Variants in EFCAB8 observed in about 807,000 individuals in gnomAD.
EFCAB8 encodes the protein EF-hand calcium binding domain 8, also known as EF-hand calcium-binding domain-containing protein 8.
A neutral mutation model predicts 116.3 loss-of-function variants in EFCAB8; 100 were observed. The observed-to-expected ratio is 0.86, with a 90% CI of 0.73 to 1.02. The LOEUF (loss-of-function observed/expected upper bound fraction) is 1.02, where lower values mean the gene tolerates loss of function less well. Among genes scored for constraint, EFCAB8 ranks in the 50% least tolerant of loss-of-function variants. The pLI, the probability that EFCAB8 is intolerant of heterozygous loss-of-function variation, is 0.00. For synonymous variants in EFCAB8, 558 were observed against 567.9 expected (o/e 0.98, Z 0.25); for missense variants, 1,320 against 1,416.9 (o/e 0.93, Z 1.10).
At chr20:32,889,982 C>T (rs890793424) in intron 7 of EFCAB8, among the ~76,000 whole-genome samples, 1 of 138,648 alleles carries the variant, frequency 7.2e-6, no homozygotes, top group African/African-American at 2.7e-5. Flanking sequence ...GCATGGGCGA[C>T]AGAGAGAGAC....
intron 20 of EFCAB8, among the ~76,000 whole-genome samples, chr20:32,925,642 G>A (rs895430146): frequency 6.6e-6 from 1 of 152,182 alleles, no homozygotes; most frequent in African/African-American, 2.4e-5. Context: ...CGTGAGCCAC[G>A]GCGCCCAGCC....
At position 32,867,623 on chromosome 20, in the gene EFCAB8, C is replaced by T; in HGVS notation, c.84C>T (p.Ser28=). The part of the protein sequence containing the change: ...PHGFQNKEAA[S]SPTPSITLSQ... ...GCTTCCAGAACAAGGAGGCTGCTAGCTCCCCAACACCATCCATCACCCTTA... is the reference window on the plus strand; with the variant it reads ...GCTTCCAGAACAAGGAGGCTGCTAGTTCCCCAACACCATCCATCACCCTTA... Residue 28 remains serine (S), a synonymous_variant, in exon 3 of 27, where the codon AGC becomes AGT. Transcript: ENST00000400522. 6.4e-7 allele frequency: 1 copy of T among 1,551,676 alleles called. No homozygotes were observed. The highest frequency in any genetic ancestry group is 8.7e-7 in the Non-Finnish European group (1 of 1,146,978).
chr20:32,911,835 G>A, intron 16 of EFCAB8, 128 bp downstream of exon 16: 4 of 875,802 alleles, frequency 4.6e-6, no homozygotes, highest in Non-Finnish European at 7.2e-6. Context: ...AGGTGGCCTG[G>A]CTTCAAACCT....
At chr20:32,939,108 T>C (rs1254093373) in intron 22 of EFCAB8, among the ~76,000 whole-genome samples, 1 of 139,490 alleles carries the variant, frequency 7.2e-6, no homozygotes, top group Non-Finnish European at 1.6e-5. Flanking sequence ...TTCCTTCCTT[T>C]CTTTCTCTCT....
intron 3 of EFCAB8, among the ~76,000 whole-genome samples, chr20:32,874,910 C>T (rs1984872403): frequency 6.6e-6 from 1 of 152,094 alleles, no homozygotes. Flanking sequence ...CCATGCCTGG[C>T]TAACTTTTTG....
chr20:32,862,190 G>A (rs1984151672), intron 1 of EFCAB8, among the ~76,000 whole-genome samples: 1 of 151,002 alleles, frequency 6.6e-6, no homozygotes, highest in African/African-American at 2.4e-5. Context: ...GAGTGTAGTG[G>A]TATGATCTCA....
intron 6 of EFCAB8, among the ~76,000 whole-genome samples, chr20:32,888,228 TAA>T (rs1600386441): frequency 6.6e-6 from 1 of 151,912 alleles, no homozygotes; most frequent in African/African-American, 2.4e-5. Context: ...CGTGTCCAGC[TAA>T]TTTTTTCTTT....
chr20:32,869,463 C>G (rs962907792), intron 3 of EFCAB8, among the ~76,000 whole-genome samples: 8 of 152,076 alleles, frequency 5.3e-5, no homozygotes, highest in African/African-American at 1.7e-4. Flanking sequence ...CTCGAGCTCC[C>G]GACCTCAGGT....
rs1986711685 is a variant in EFCAB8, at chr20:32,907,000, C to T, written c.1308+6C>T. ...TCAGTGTCTCCAAGGACAAGGTCCGCCCCGACGGTCCGCCTGACTCCTTCT... is the reference window on the plus strand; with the variant it reads ...TCAGTGTCTCCAAGGACAAGGTCCGTCCCGACGGTCCGCCTGACTCCTTCT... On this transcript the variant is annotated splice_donor_region_variant and intron_variant, in intron 13 of 26. Coordinates refer to ENST00000400522, the MANE Select transcript of EFCAB8 (RefSeq NM_001143967.2). The T allele has an allele frequency of 1.0e-5, 15 of 1,497,174 alleles. No homozygotes were observed. Among genetic ancestry groups the T allele is most frequent in the African/African-American group, 1.4e-5 (1 of 71,754 alleles). 92.7% of individuals were successfully genotyped at this position (1,497,174 alleles called of 1,614,324 possible).
At chr20:32,917,097 C>T in intron 17 of EFCAB8, 1 of 581,682 alleles carries the variant, frequency 1.7e-6, no homozygotes, top group Non-Finnish European at 3.1e-6. Context: ...TATGTAAAGC[C>T]CCTACAACAG....
chr20:32,887,652 G>A (rs1009114855), intron 6 of EFCAB8, among the ~76,000 whole-genome samples: 1 of 152,194 alleles, frequency 6.6e-6, no homozygotes, highest in African/African-American at 2.4e-5. Context: ...ACTCTAAGCC[G>A]AGTGGGCTGG....
chr20:32,936,871 G>A (rs918224637), intron 22 of EFCAB8, among the ~76,000 whole-genome samples: 13 of 152,070 alleles, frequency 8.5e-5, no homozygotes, highest in African/African-American at 3.1e-4. Context: ...GATAGGGACT[G>A]CATTGAATCT....
intron 22 of EFCAB8, among the ~76,000 whole-genome samples, chr20:32,937,152 G>C (rs59547049): frequency 0.072 from 10,888 of 151,768 alleles, 591 homozygotes; most frequent in African/African-American, 0.15. Flanking sequence ...GGCTAATTTT[G>C]TATTTTTAGT....
intron 8 of EFCAB8, 30 bp from the exon 9 acceptor site, chr20:32,893,143 CA>C (rs1985998201): frequency 6.4e-7 from 1 of 1,551,426 alleles, no homozygotes; most frequent in East Asian, 2.4e-5. Flanking sequence ...GCCCAGCCCA[CA>C]CAACCTCTTC....
At chr20:32,878,385 A>G (rs1023244621) in intron 4 of EFCAB8, among the ~76,000 whole-genome samples, 2 of 152,040 alleles carry the variant, frequency 1.3e-5, no homozygotes, top group African/African-American at 4.8e-5. Context: ...AAACAGAGAA[A>G]GAGCAGGTCT....
intron 26 of EFCAB8, 33 bp downstream of exon 26, chr20:32,960,194 T>C: frequency 6.5e-7 from 1 of 1,544,606 alleles, no homozygotes; most frequent in Non-Finnish European, 8.8e-7. Flanking sequence ...CCCAAGAGGC[T>C]GGGTCAGGGG....
chr20:32,915,568 T>C (rs1380773952), intron 17 of EFCAB8, among the ~76,000 whole-genome samples: 1 of 152,154 alleles, frequency 6.6e-6, no homozygotes, highest in Non-Finnish European at 1.5e-5. Context: ...TCTGCATCTG[T>C]CCTCTTTTCT....
intron 23 of EFCAB8, among the ~76,000 whole-genome samples, chr20:32,945,809 T>C (rs1485895939): frequency 1.3e-5 from 2 of 152,216 alleles, no homozygotes; most frequent in Non-Finnish European, 2.9e-5. Context: ...TGTGGATACT[T>C]TCACCAGACT....
chr20:32,960,166 G>A lies in EFCAB8; in HGVS notation c.3393+5G>A. On this transcript the variant is annotated splice_donor_5th_base_variant and intron_variant, in intron 26 of 26. Transcript: ENST00000400522. ...TATGGCTGGATGAAGCATCAGGTAAGGTGGGATGGGGCAGCTCCCCAAGAG... is the reference window on the plus strand; with the variant it reads ...TATGGCTGGATGAAGCATCAGGTAAAGTGGGATGGGGCAGCTCCCCAAGAG... 6.4e-7 allele frequency: 1 copy of A among 1,551,482 alleles called. No homozygotes were observed. Among genetic ancestry groups the A allele is most frequent in the South Asian group, 1.2e-5 (1 of 83,984 alleles).
Sources: gnomAD v4.1 joint callset for allele counts (sites outside exome capture counted in the v4.1 genomes callset) on GRCh38, gnomAD v4.1.1 for gene constraint, MANE v1.5 for transcripts, NCBI Gene and HGNC (gene_info 2026-07-23, HGNC 2026-07-21) for gene names.